Variants in COLEC10 observed in about 807,000 individuals in gnomAD.
The protein encoded by COLEC10 is collectin-10.
A neutral mutation model predicts 28.4 loss-of-function variants in COLEC10; 22 were observed. The ratio of observed to expected loss-of-function variants is 0.78; its 90% CI spans 0.55 to 1.11. The LOEUF is 1.11. Among genes scored for constraint, COLEC10 ranks in the 50% least tolerant of loss-of-function variants. The pLI, the probability that COLEC10 is intolerant of heterozygous loss-of-function variation, is 0.00. For synonymous variants in COLEC10, 125 were observed against 116.1 expected (o/e 1.08, Z -0.49); for missense variants, 361 against 344.1 (o/e 1.05, Z -0.39).
At chr8:119,042,545 A>G (rs1814518892) in intron 2 of COLEC10, among the ~76,000 whole-genome samples, 1 of 152,076 alleles carries the variant, frequency 6.6e-6, no homozygotes, top group Admixed American at 6.6e-5. Flanking sequence ...TCCTCTCTCC[A>G]CATTAATTCC....
rs532649465 is a variant in COLEC10 at position 119,075,203 on chromosome 8, C to G, written c.148+7774C>G. Among the ~76,000 whole-genome samples, 7 of 152,266 alleles carry G rather than the reference C, an allele frequency of 4.6e-5. No individual in the cohort carries two copies. In the South Asian group the frequency reaches 1.5e-3, roughly 32 times the overall value. On this transcript the variant is annotated intron_variant, in intron 1 of 5. Transcript: ENST00000332843. Reference sequence around the variant, plus strand: ...CAAATTCTCTCTTTCTCTCTTACGTCTCTTGCTTATATTTATAAAATTCTA... The same window carrying G: ...CAAATTCTCTCTTTCTCTCTTACGTGTCTTGCTTATATTTATAAAATTCTA...
intron 2 of COLEC10, among the ~76,000 whole-genome samples, chr8:119,013,015 CTT>C (rs60559892): frequency 2.1e-5 from 3 of 145,268 alleles, no homozygotes; most frequent in East Asian, 2.0e-4. Context: ...TTTTGCTGCT[CTT>C]TTTTTTTTCT....
At chr8:118,973,227 C>A in the COLEC10 span, among the ~76,000 whole-genome samples, 3 of 152,010 alleles carry the variant, frequency 2.0e-5, no homozygotes, top group Non-Finnish European at 4.4e-5. Flanking sequence ...TGTATTAATG[C>A]ATAATAGTTC....
chr8:119,046,657 T>A (rs1814592413), intron 2 of COLEC10, among the ~76,000 whole-genome samples: 1 of 152,204 alleles, frequency 6.6e-6, no homozygotes, highest in Non-Finnish European at 1.5e-5. Context: ...ACATTTAATC[T>A]CTGAGTTGAA....
chr8:118,961,498 C>G, the COLEC10 span, among the ~76,000 whole-genome samples: 1 of 152,218 alleles, frequency 6.6e-6, no homozygotes, highest in African/African-American at 2.4e-5. Context: ...CGCTGGCCTT[C>G]TCTGCATGGT....
chr8:119,046,788 G>T (rs573568354), intron 2 of COLEC10, among the ~76,000 whole-genome samples: 2 of 152,208 alleles, frequency 1.3e-5, no homozygotes, highest in Middle Eastern at 3.4e-3. Context: ...GTATCTGCTT[G>T]CACACAAACA....
At chr8:118,953,630 C>A in the COLEC10 span, among the ~76,000 whole-genome samples, 1 of 152,096 alleles carries the variant, frequency 6.6e-6, no homozygotes, top group South Asian at 2.1e-4. Context: ...TAAGAGAAAG[C>A]AAATGGGAGC....
chr8:118,995,741 A>G (rs1291823878), intron 1 of COLEC10, among the ~76,000 whole-genome samples: 1 of 152,132 alleles, frequency 6.6e-6, no homozygotes, highest in East Asian at 1.9e-4. Flanking sequence ...TATTTAGGGA[A>G]TTTTCATATT....
chr8:119,033,746 T>C (rs1439307120), intron 2 of COLEC10, among the ~76,000 whole-genome samples: 1 of 152,200 alleles, frequency 6.6e-6, no homozygotes. Context: ...AAATAACAGA[T>C]GCTGGAGAGG....
At chr8:119,045,540 C>T (rs1452836303) in intron 2 of COLEC10, among the ~76,000 whole-genome samples, 1 of 152,160 alleles carries the variant, frequency 6.6e-6, no homozygotes, top group African/African-American at 2.4e-5. Flanking sequence ...TTAATAAGTC[C>T]AAAGGTCAAT....
chr8:118,964,073 A>C, the COLEC10 span, among the ~76,000 whole-genome samples: 1 of 152,170 alleles, frequency 6.6e-6, no homozygotes, highest in Non-Finnish European at 1.5e-5. Flanking sequence ...TGTTTTCCAA[A>C]TTTCTATTAA....
chr8:119,101,542 T>C (rs1172190296), intron 3 of COLEC10, among the ~76,000 whole-genome samples: 1 of 152,170 alleles, frequency 6.6e-6, no homozygotes, highest in East Asian at 1.9e-4. Context: ...AGTGAGAAAA[T>C]GGTTACATAT....
chr8:119,042,658 G>C (rs762697097), intron 2 of COLEC10, among the ~76,000 whole-genome samples: 6 of 152,162 alleles, frequency 3.9e-5, no homozygotes, highest in Admixed American at 1.3e-4. Context: ...TTAGATTTCA[G>C]ATACATTCGG....
chr8:119,106,571 G>C lies in COLEC10; in HGVS notation c.*380G>C, dbSNP rs1815949355. ...CCAGTTTACTGGTGATGATTAGGAA[G>C]GTTGTTGATGGTTAGGCTAACCTGC... On this transcript the variant is annotated 3_prime_UTR_variant, in exon 6 of 6. Transcript: ENST00000332843. 1.1e-5 allele frequency: 2 copies of C among 177,932 alleles called. No homozygotes were observed. Among genetic ancestry groups the C allele is most frequent in the African/African-American group, 4.7e-5 (2 of 42,664 alleles). 11.0% of individuals were successfully genotyped at this position (177,932 alleles called of 1,614,324 possible).
intron 1 of COLEC10, among the ~76,000 whole-genome samples, chr8:119,005,635 C>G (rs531145338): frequency 1.3e-5 from 2 of 152,194 alleles, no homozygotes; most frequent in African/African-American, 4.8e-5. Flanking sequence ...GACTAAGGCC[C>G]AATTTTCAAA....
the COLEC10 span, among the ~76,000 whole-genome samples, chr8:118,962,665 T>A: frequency 6.6e-6 from 1 of 152,200 alleles, no homozygotes; most frequent in Non-Finnish European, 1.5e-5. Context: ...TTATTTGAAT[T>A]TATAGTATTG....
chr8:119,077,566 G>A (rs1815272045), intron 1 of COLEC10, among the ~76,000 whole-genome samples: 1 of 152,180 alleles, frequency 6.6e-6, no homozygotes, highest in Admixed American at 6.5e-5. Flanking sequence ...GGGCAGTGGA[G>A]AGGGTAGAGC....
upstream of COLEC10, among the ~76,000 whole-genome samples, chr8:118,992,266 ATT>A (rs1813516135): frequency 1.3e-5 from 2 of 152,152 alleles, no homozygotes; most frequent in South Asian, 4.1e-4. Flanking sequence ...CTTTTTAAAA[ATT>A]TTAACCTGTC....
rs370264634 is a variant in COLEC10, at chr8:119,082,394, T to G, written c.149-7286T>G. Among the ~76,000 whole-genome samples the G allele has an allele frequency of 5.9e-5, 9 of 152,364 alleles. No individual in the cohort carries two copies. The East Asian group carries it at 1.3e-3, about 23-fold the overall frequency. On this transcript the variant is annotated intron_variant, in intron 1 of 5. Coordinates refer to ENST00000332843, the MANE Select transcript of COLEC10 (RefSeq NM_006438.5). Reference sequence around the variant, plus strand: ...TAAGCTCACATTTATCTACCTTGTCTTTAAGGATGTTACTCCTTTTATTTT... The same window carrying G: ...TAAGCTCACATTTATCTACCTTGTCGTTAAGGATGTTACTCCTTTTATTTT...
Sources: gnomAD v4.1 joint callset for allele counts (sites outside exome capture counted in the v4.1 genomes callset) on GRCh38, gnomAD v4.1.1 for gene constraint, MANE v1.5 for transcripts, NCBI Gene and HGNC (gene_info 2026-07-23, HGNC 2026-07-21) for gene names.